Variants in BAG1 observed in about 807,000 individuals in gnomAD.
BAG1 encodes BAG family molecular chaperone regulator 1.
BAG1 carries 35 observed loss-of-function variants against 35.5 expected under a neutral mutation model. That is an observed-to-expected ratio of 0.99 (90% CI 0.75 to 1.31). The LOEUF (loss-of-function observed/expected upper bound fraction) is 1.31. Ranked by LOEUF, BAG1 falls within the 50% of genes most tolerant of loss-of-function variation. The probability of loss-of-function intolerance (pLI) is 0.00; values close to 1 mark genes in which losing one functional copy is unlikely to be tolerated. For missense variants in BAG1, 464 were observed against 453.6 expected, an observed-to-expected ratio of 1.02 and a Z score of -0.21; for synonymous variants, 191 against 178.9, an observed-to-expected ratio of 1.07 and a Z score of -0.54.
Position 33,255,903 on chromosome 9 carries a change from T to C in BAG1, c.910A>G (p.Ser304Gly), listed in dbSNP as rs114225550. The C allele has an allele frequency of 2.0e-3, 3,175 of 1,614,052 alleles. 60 individuals carry two copies. In the African/African-American group the frequency reaches 0.038, roughly 19 times the overall value. Reference sequence around the variant, plus strand: ...ACCAAGCCTTTCCTTTTCAATCTACTGTCTTTGAAATTTTCTGGCAGGATC... The same window carrying C: ...ACCAAGCCTTTCCTTTTCAATCTACCGTCTTTGAAATTTTCTGGCAGGATC... The change falls in exon 6 of 7, where the codon AGT (serine) becomes GGT (glycine). Residue 304 changes from serine (S) to glycine (G), a missense_variant. Ser to Gly is a moderately conservative substitution (Grantham distance 56). Coordinates refer to ENST00000634734, the MANE Select transcript of BAG1 (RefSeq NM_004323.6).
intron 5 of BAG1, 27 bp from the exon 6 acceptor site, chr9:33,255,954 A>G (rs1397831966): frequency 1.2e-5 from 19 of 1,575,954 alleles, no homozygotes; most frequent in Non-Finnish European, 1.6e-5. Flanking sequence ...TGATAATACA[A>G]GTTAGTAAAT....
chr9:33,258,855 A>C (rs1355381652), intron 4 of BAG1, 65 bp downstream of exon 4: 1 of 1,387,244 alleles, frequency 7.2e-7, no homozygotes, highest in Non-Finnish European at 1.0e-6. Flanking sequence ...TGTCCCCATA[A>C]CCACAAGTTA....
At chr9:33,262,297 G>C in intron 2 of BAG1, 1 of 1,251,274 alleles carries the variant, frequency 8.0e-7, no homozygotes, top group Non-Finnish European at 1.0e-6. Context: ...AAAACAGAGT[G>C]ACTATTAGGA....
intron 3 of BAG1, chr9:33,260,594 A>G (rs940352064): frequency 2.6e-5 from 4 of 152,460 alleles, no homozygotes; most frequent in African/African-American, 9.7e-5. Context: ...TGCTGACCTC[A>G]TCTGTCTTTT....
rs1385443002 is a variant in BAG1, at chr9:33,264,522, A to G, written c.153T>C (p.Ser51=). The change falls in exon 1 of 7, where the codon AGT becomes AGC. Residue 51 remains serine (S), a synonymous_variant. Coordinates refer to ENST00000634734, the MANE Select transcript of BAG1 (RefSeq NM_004323.6). ...TGGGTCGGTCATGCCCGCTGGCAGT[A>G]CTCCGGGCAGGTGGACGCCCAGAGG... is the stretch of plus-strand genomic sequence containing the variant. 3.1e-6 allele frequency: 5 copies of G among 1,587,916 alleles called. No homozygotes were observed. The highest frequency in any genetic ancestry group is 4.3e-6 in the Non-Finnish European group (5 of 1,169,972).
At chr9:33,256,118 C>T (rs1043492537) in intron 5 of BAG1, among the ~76,000 whole-genome samples, 191 bp from the exon 6 acceptor site, 1 of 152,146 alleles carries the variant, frequency 6.6e-6, no homozygotes, top group African/African-American at 2.4e-5. Flanking sequence ...ATGGCCTTTC[C>T]ATGGCTCTTG....
At chr9:33,258,738 AT>A (rs893740297) in intron 4 of BAG1, among the ~76,000 whole-genome samples, 181 bp downstream of exon 4, 1 of 152,236 alleles carries the variant, frequency 6.6e-6, no homozygotes, top group African/African-American at 2.4e-5. Context: ...AAATGTCACC[AT>A]TATTCCATTT....
intron 1 of BAG1, among the ~76,000 whole-genome samples, chr9:33,263,808 G>C (rs560991106): frequency 3.3e-5 from 5 of 152,228 alleles, no homozygotes; most frequent in African/African-American, 1.2e-4. Context: ...GCCAACTCAA[G>C]CGGCGCACAC....
In BAG1 at chr9:33,254,930, G is replaced by T; in HGVS notation, c.*289C>A. 1 of 1,160,406 alleles carries T rather than the reference G, an allele frequency of 8.6e-7. No individual in the cohort carries two copies. Among genetic ancestry groups the T allele is most frequent in the Non-Finnish European group, 1.1e-6 (1 of 870,108 alleles). The allele number at this position is 1,160,406 out of a possible 1,614,324, so 71.9% of individuals were successfully genotyped here. A position where few individuals can be genotyped will look rare whatever the true frequency, so the allele number is the denominator to read the frequency against. On this transcript the variant is annotated 3_prime_UTR_variant, in exon 7 of 7. Coordinates refer to ENST00000634734, the MANE Select transcript of BAG1 (RefSeq NM_004323.6). ...TAGAGCTCTCACCAGCCCAAAGAAA[G>T]CACCCAGAGGTCCAAACAGCTGGGA...
In BAG1 at chr9:33,255,039, G is replaced by A. The variant is rs1285604053; in HGVS notation, c.*180C>T. The A allele has an allele frequency of 6.5e-7, 1 of 1,541,970 alleles. No homozygotes were observed. The highest frequency in any genetic ancestry group is 1.2e-5 in the South Asian group (1 of 83,810). On this transcript the variant is annotated 3_prime_UTR_variant, in exon 7 of 7. Coordinates refer to ENST00000634734, the MANE Select transcript of BAG1 (RefSeq NM_004323.6). ...AGAGACAGAAGGAGAAAACAGATAGGAGCTTTACTCAAAATCACAAAGACA... is the reference window on the plus strand; with the variant it reads ...AGAGACAGAAGGAGAAAACAGATAGAAGCTTTACTCAAAATCACAAAGACA...
chr9:33,260,246 TTTGGTTC>T (rs1161039419), intron 3 of BAG1: 2 of 152,262 alleles, frequency 1.3e-5, no homozygotes, highest in East Asian at 3.8e-4. Flanking sequence ...AACTTGACTC[TTTGGTTC>T]TGCCTGTTGC....
chr9:33,260,023 T>TCTCA (rs1188423149), intron 3 of BAG1: 1 of 152,160 alleles, frequency 6.6e-6, no homozygotes, highest in African/African-American at 2.4e-5. Context: ...TGAGATAGGG[T>TCTCA]CTCACTACGG....
chr9:33,264,145 G>A (rs868609249), intron 1 of BAG1, 79 bp downstream of exon 1: 92 of 1,476,254 alleles, frequency 6.2e-5, no homozygotes, highest in Middle Eastern at 1.9e-4. Context: ...ACACGCTTCT[G>A]GAGGACACGT....
At position 33,264,317 on chromosome 9, in the gene BAG1, G is replaced by A. The variant is rs375997019; in HGVS notation, c.358C>T (p.Gln120Ter). 4.0e-5 allele frequency: 64 copies of A among 1,613,208 alleles called. No homozygotes were observed. The highest frequency in any genetic ancestry group is 5.3e-5 in the Non-Finnish European group (62 of 1,179,796). Residue 120 changes from glutamine to a stop codon, truncating the protein, a stop_gained, in exon 1 of 7, where the codon CAG becomes TAG. Transcript: ENST00000634734. LOFTEE classifies it high-confidence loss of function. The stretch of plus-strand genomic sequence containing the variant: ...GACTCCTCGTCCCGGGTCACCTCCT[G>A]GCTCCGATTCATCTCTTCGCCCTGG...
rs545642701 is a variant in BAG1 at position 33,262,697 on chromosome 9, C to T, written c.580+5G>A. 3.2e-6 allele frequency: 5 copies of T among 1,576,342 alleles called. No homozygotes were observed. In the South Asian group the frequency reaches 3.6e-5, roughly 11 times the overall value. ...AAAAAGAAAGAAAGAAAAAGAAATG[C>T]TTACCCTTAAATATGAGTTTCTGAA... On this transcript the variant is annotated splice_donor_5th_base_variant and intron_variant, in intron 2 of 6. Transcript: ENST00000634734.
intron 4 of BAG1, chr9:33,257,128 C>T (rs1169044147): frequency 6.0e-6 from 3 of 497,368 alleles, no homozygotes. Context: ...TCGCATGACC[C>T]ACTGTGGCTG....
At chr9:33,257,844 A>G (rs1820486438) in intron 4 of BAG1, 1 of 152,248 alleles carries the variant, frequency 6.6e-6, no homozygotes, top group African/African-American at 2.4e-5. Flanking sequence ...AAATAACATT[A>G]TATCAAATTT....
chr9:33,255,641 T>G (rs1404485455), intron 6 of BAG1, among the ~76,000 whole-genome samples: 19 of 152,246 alleles, frequency 1.2e-4, no homozygotes, highest in Non-Finnish European at 7.3e-5. Flanking sequence ...GTGTCAGCCC[T>G]ACCTGCTCTC....
rs746658604 is a variant in BAG1 at position 33,255,181 on chromosome 9, C to A, written c.*38G>T. ...TCCAGAGACGGCAGAGCTGGTGGCG[C>A]CATTCTTCAGGGCAGCACAGCCTTT... On this transcript the variant is annotated 3_prime_UTR_variant, in exon 7 of 7. Coordinates refer to ENST00000634734, the MANE Select transcript of BAG1 (RefSeq NM_004323.6). The A allele has an allele frequency of 6.2e-7, 1 of 1,614,198 alleles. No individual in the cohort carries two copies. Among genetic ancestry groups the A allele is most frequent in the Non-Finnish European group, 8.5e-7 (1 of 1,180,024 alleles).
Sources: gnomAD v4.1 joint callset for allele counts (sites outside exome capture counted in the v4.1 genomes callset) on GRCh38, gnomAD v4.1.1 for gene constraint, MANE v1.5 for transcripts, NCBI Gene and HGNC (gene_info 2026-07-23, HGNC 2026-07-21) for gene names.